Variants in IGF2R observed in about 807,000 individuals in gnomAD.
IGF2R encodes the protein cation-independent mannose-6-phosphate receptor.
Under a neutral mutation model 270.6 loss-of-function variants are expected in IGF2R, and 91 were observed. The observed-to-expected ratio is 0.34, with a 90% CI of 0.28 to 0.40. The LOEUF (loss-of-function observed/expected upper bound fraction) is 0.40, where lower values mean the gene tolerates loss of function less well. IGF2R is among the 10% of genes least tolerant of loss of function. The pLI is 1.00. For synonymous variants in IGF2R, 1,316 were observed against 1,258.9 expected (o/e 1.05, Z -0.96); for missense variants, 2,805 against 3,188.3 (o/e 0.88, Z 2.90).
chr6:159,984,258 T>G (rs1407073075), intron 1 of IGF2R, among the ~76,000 whole-genome samples: 4 of 152,208 alleles, frequency 2.6e-5, no homozygotes, highest in Non-Finnish European at 5.9e-5. Context: ...CCTAGAAGAT[T>G]AGGATGAAGC....
intron 1 of IGF2R, among the ~76,000 whole-genome samples, chr6:159,973,207 G>A (rs1261428546): frequency 6.6e-6 from 1 of 152,124 alleles, no homozygotes; most frequent in African/African-American, 2.4e-5. Flanking sequence ...AGTGTCTAAA[G>A]TGATCTCAGC....
chr6:160,044,452 C>A (rs1318862690), intron 12 of IGF2R, 62 bp from the exon 13 acceptor site: 2 of 1,221,130 alleles, frequency 1.6e-6, no homozygotes, highest in Admixed American at 2.5e-5. Context: ...TAAGTCACTT[C>A]TTTGTCTGCG....
intron 1 of IGF2R, among the ~76,000 whole-genome samples, chr6:159,977,206 A>T (rs1355053557): frequency 6.6e-6 from 1 of 151,988 alleles, no homozygotes; most frequent in Non-Finnish European, 1.5e-5. Flanking sequence ...TGCTCTATTA[A>T]TTATTTTTCC....
intron 46 of IGF2R, 36 bp from the exon 47 acceptor site, chr6:160,103,710 A>G (rs1176237382): frequency 6.6e-7 from 1 of 1,507,192 alleles, no homozygotes; most frequent in African/African-American, 1.4e-5. Context: ...TGCCCTCTCT[A>G]CACTGGAGTA....
rs549932139 is a variant in IGF2R at position 160,084,990 on chromosome 6, T to C, written c.6069-5T>C. 17 of 1,610,978 alleles carry C rather than the reference T, an allele frequency of 1.1e-5. No individual in the cohort carries two copies. The highest frequency in any genetic ancestry group is 1.0e-4 in the Admixed American group (6 of 59,928). On this transcript the variant is annotated splice_polypyrimidine_tract_variant and splice_region_variant and intron_variant, in intron 40 of 47. Coordinates refer to ENST00000356956, the MANE Select transcript of IGF2R (RefSeq NM_000876.4). The surrounding 1 kb of genome is among the most constrained non-coding windows in gnomAD (Gnocchi z 4.6). ...TTTTACCTGCCCCTTTGTGTCGTTTTCTAGGTACTATATAAATCTGTGCCA... is the reference window on the plus strand; with the variant it reads ...TTTTACCTGCCCCTTTGTGTCGTTTCCTAGGTACTATATAAATCTGTGCCA...
chr6:160,081,150 T>C (rs944109634), intron 39 of IGF2R, among the ~76,000 whole-genome samples: 1 of 151,448 alleles, frequency 6.6e-6, no homozygotes, highest in African/African-American at 2.4e-5. Context: ...GAAAAATTAC[T>C]AATTTTCATA....
At chr6:160,092,765 C>T (rs1253306381) in intron 44 of IGF2R, among the ~76,000 whole-genome samples, 2 of 152,202 alleles carry the variant, frequency 1.3e-5, no homozygotes, top group Non-Finnish European at 1.5e-5. Flanking sequence ...GGAGCCGCAC[C>T]GCCTGTCTCT....
intron 25 of IGF2R, among the ~76,000 whole-genome samples, chr6:160,062,260 G>A (rs550592014): frequency 3.0e-4 from 40 of 134,520 alleles, no homozygotes; most frequent in African/African-American, 1.1e-3. Flanking sequence ...TGCAACCTCC[G>A]CCCCCCAGGT....
chr6:159,978,921 G>A (rs1276476342), intron 1 of IGF2R, among the ~76,000 whole-genome samples: 2 of 152,196 alleles, frequency 1.3e-5, no homozygotes, highest in African/African-American at 2.4e-5. Context: ...CCAGGAAGAG[G>A]AAGCAGATCC....
At chr6:160,047,410 C>A (rs996287343) in intron 16 of IGF2R, 74 bp downstream of exon 16, 1 of 1,287,754 alleles carries the variant, frequency 7.8e-7, no homozygotes, top group Non-Finnish European at 1.1e-6. Context: ...TTAAGCAGAG[C>A]TTGTATCAGT....
At chr6:160,049,541 A>G (rs1164137614) in intron 18 of IGF2R, among the ~76,000 whole-genome samples, 1 of 151,840 alleles carries the variant, frequency 6.6e-6, no homozygotes, top group Non-Finnish European at 1.5e-5. Context: ...CTGAATTCCA[A>G]CTCTGGCATC....
At chr6:160,002,817 T>C (rs1562338606) in intron 2 of IGF2R, among the ~76,000 whole-genome samples, 1 of 152,226 alleles carries the variant, frequency 6.6e-6, no homozygotes, top group Non-Finnish European at 1.5e-5. Flanking sequence ...TGCTGAGTTA[T>C]AAACTTTGGA....
intron 44 of IGF2R, 154 bp from the exon 45 acceptor site, chr6:160,096,285 G>A (rs1455987819): frequency 1.6e-5 from 10 of 635,252 alleles, no homozygotes; most frequent in Admixed American, 2.8e-5. Flanking sequence ...GAGTGGCCTC[G>A]TAAGCTGTGA....
At chr6:160,067,843 G>A (rs1211696086) in intron 29 of IGF2R, among the ~76,000 whole-genome samples, 1 of 152,198 alleles carries the variant, frequency 6.6e-6, no homozygotes, top group Non-Finnish European at 1.5e-5. Flanking sequence ...CAGGTGGCGT[G>A]CGGCTGCCCC....
Position 160,069,910 on chromosome 6 carries a change from C to G in IGF2R, c.4295C>G (p.Ser1432Cys). The change falls in exon 31 of 48, where the codon TCC (serine) becomes TGC (cysteine). Residue 1432 changes from serine to cysteine, a missense_variant. Coordinates refer to ENST00000356956, the MANE Select transcript of IGF2R (RefSeq NM_000876.4). ...GCAGCCGCGTGTCTGCTGGGTGGCT[C>G]CAAGCCCGTGAACCTCGGCAGGGTA... is the stretch of plus-strand genomic sequence containing the variant. ...PEAAACLLGG[S>C]KPVNLGRVRD... 6.2e-7 allele frequency: 1 copy of G among 1,614,176 alleles called. No homozygotes were observed. The highest frequency in any genetic ancestry group is 8.5e-7 in the Non-Finnish European group (1 of 1,180,036).
chr6:160,085,085 C>T lies in IGF2R; in HGVS notation c.6159C>T (p.Asp2053=), dbSNP rs781183818. The change falls in exon 41 of 48, where the codon GAC becomes GAT. Residue 2053 remains aspartate, a synonymous_variant. Coordinates refer to ENST00000356956, the MANE Select transcript of IGF2R (RefSeq NM_000876.4). ...TTTGCAGAAGGACCACAACTGGTGA[C>T]GTCCAGGTCCTGGGACTCGTTCACA... is the stretch of plus-strand genomic sequence containing the variant. ...ASICRRTTTG[D]VQVLGLVHTQ... 17 of 1,614,012 alleles carry T rather than the reference C, an allele frequency of 1.1e-5. No individual in the cohort carries two copies. The highest frequency in any genetic ancestry group is 1.7e-4 in the Middle Eastern group (1 of 5,986).
In IGF2R at chr6:160,048,528, G is replaced by A; in HGVS notation, c.2499G>A (p.Lys833=). ...CNRYASACQM[K]YEKDQGSFTE... is the part of the protein sequence containing the mutation. ...GATATGCATCGGCTTGCCAGATGAA[G>A]TATGAAAAAGATCAGGTGAATCTGT... Residue 833 remains lysine, a synonymous_variant, in exon 18 of 48, where the codon AAG becomes AAA. Transcript: ENST00000356956. 6.2e-7 allele frequency: 1 copy of A among 1,613,438 alleles called. No homozygotes were observed. The highest frequency in any genetic ancestry group is 8.5e-7 in the Non-Finnish European group (1 of 1,179,834).
chr6:159,972,562 C>G (rs1409216175), intron 1 of IGF2R, among the ~76,000 whole-genome samples: 1 of 152,144 alleles, frequency 6.6e-6, no homozygotes, highest in Non-Finnish European at 1.5e-5. Flanking sequence ...CTCTCTAGAA[C>G]CTAGAGAGAA....
intron 10 of IGF2R, among the ~76,000 whole-genome samples, chr6:160,037,301 A>T (rs1158384112): frequency 6.6e-6 from 1 of 152,226 alleles, no homozygotes; most frequent in African/African-American, 2.4e-5. Context: ...CAGGAGTTGG[A>T]TTAAAAAATA....
Sources: gnomAD v4.1 joint callset for allele counts (sites outside exome capture counted in the v4.1 genomes callset) on GRCh38, gnomAD v4.1.1 for gene constraint, Gnocchi (gnomAD v3.1) non-coding constraint, MANE v1.5 for transcripts, NCBI Gene and HGNC (gene_info 2026-07-23, HGNC 2026-07-21) for gene names.